The following FREM1 variants were observed in gnomAD, a reference collection of about 807,000 sequenced individuals.
FREM1 encodes the protein FRAS1 related extracellular matrix 1, also known as FRAS1-related extracellular matrix protein 1.
FREM1 carries 220 observed loss-of-function variants against 210.1 expected under a neutral mutation model. The ratio of observed to expected loss-of-function variants is 1.05; its 90% CI spans 0.94 to 1.17. FREM1 has a LOEUF of 1.17. Among genes scored for constraint, FREM1 ranks in the 50% most tolerant of loss-of-function variants. FREM1 has a pLI of 0.00. For synonymous variants in FREM1, 1,189 were observed against 980.2 expected (o/e 1.21, Z -3.98); for missense variants, 3,454 against 2,675.5 (o/e 1.29, Z -6.42).
At position 14,858,774 on chromosome 9, in the gene FREM1, A is replaced by G. The variant is rs573446686; in HGVS notation, c.631+409T>C. On this transcript the variant is annotated intron_variant, in intron 4 of 36. Transcript: ENST00000380880. ...TAGCTTTACTTCAAATTTGCTCATA[A>G]TCCAATAATACTCCATAAATGCACC... 2.6e-5 allele frequency among the ~76,000 whole-genome samples: 4 copies of G among 152,114 alleles called. No individual in the cohort carries two copies. In the East Asian group the frequency reaches 7.7e-4, roughly 29 times the overall value.
chr9:14,828,649 A>AGG (rs930882943), intron 10 of FREM1, among the ~76,000 whole-genome samples: 1 of 94,446 alleles, frequency 1.1e-5, no homozygotes, highest in African/African-American at 4.4e-5. Flanking sequence ...GGGGCGGGGG[A>AGG]GGTGCCGGGG....
At chr9:14,859,805 T>A (rs1829472733) in intron 3 of FREM1, among the ~76,000 whole-genome samples, 1 of 152,100 alleles carries the variant, frequency 6.6e-6, no homozygotes, top group African/African-American at 2.4e-5. Context: ...AATTTAAGAG[T>A]CTCAAGCCTA....
intron 2 of FREM1, among the ~76,000 whole-genome samples, chr9:14,866,263 A>G (rs1176230023): frequency 6.6e-6 from 1 of 152,164 alleles, no homozygotes; most frequent in African/African-American, 2.4e-5. Context: ...GCCTATTCCA[A>G]TCCTTGATTC....
intron 25 of FREM1, among the ~76,000 whole-genome samples, chr9:14,771,918 A>G (rs879149492): frequency 2.6e-5 from 4 of 152,052 alleles, no homozygotes; most frequent in Non-Finnish European, 4.4e-5. Context: ...TTATAATACT[A>G]TTTTTGTTAA....
rs539009966 is a variant in FREM1 at position 14,806,568 on chromosome 9, A to G, written c.3274+93T>C. 158 of 797,838 alleles carry G rather than the reference A, an allele frequency of 2.0e-4. 1 individual carries two copies. In the Middle Eastern group the frequency reaches 3.3e-3, roughly 17 times the overall value. 49.4% of individuals were successfully genotyped at this position (797,838 alleles called of 1,614,324 possible). A position where few individuals can be genotyped will look rare whatever the true frequency, so the allele number is the denominator to read the frequency against. On this transcript the variant is annotated intron_variant, in intron 18 of 36. Coordinates refer to ENST00000380880, the MANE Select transcript of FREM1 (RefSeq NM_001379081.2). ...CACGCCCGGTGCTTTAAACATTTTG[A>G]AAGTCCTTACAAAGTTATTAAGCAT...
chr9:14,738,758 C>G (rs1438831506), intron 36 of FREM1, among the ~76,000 whole-genome samples: 1 of 151,996 alleles, frequency 6.6e-6, no homozygotes, highest in Non-Finnish European at 1.5e-5. Flanking sequence ...GCCTGCAATT[C>G]CAGCATTTTG....
At chr9:14,889,141 A>C (rs1042291680) in intron 1 of FREM1, among the ~76,000 whole-genome samples, 3 of 152,180 alleles carry the variant, frequency 2.0e-5, no homozygotes, top group Non-Finnish European at 4.4e-5. Context: ...AAAAATCCTT[A>C]AGTATAAATC....
chr9:14,848,377 A>C (rs1053681209), intron 7 of FREM1, among the ~76,000 whole-genome samples: 1 of 152,192 alleles, frequency 6.6e-6, no homozygotes, highest in Non-Finnish European at 1.5e-5. Flanking sequence ...CAATATCACA[A>C]ATAGTCAGTT....
chr9:14,745,898 A>G (rs912801900), intron 35 of FREM1, among the ~76,000 whole-genome samples: 11 of 152,178 alleles, frequency 7.2e-5, no homozygotes, highest in African/African-American at 2.4e-4. Flanking sequence ...GTATAATCGC[A>G]TTGCTAGAGG....
At chr9:14,878,705 T>C (rs543846087) in intron 1 of FREM1, among the ~76,000 whole-genome samples, 1 of 152,308 alleles carries the variant, frequency 6.6e-6, no homozygotes, top group South Asian at 2.1e-4. Flanking sequence ...TTCTATATTT[T>C]TTACTCATGG....
In FREM1 at chr9:14,750,223, C is replaced by A. The variant is rs1242793282; in HGVS notation, c.5461G>T (p.Asp1821Tyr). 3.1e-6 allele frequency: 5 copies of A among 1,613,296 alleles called. No individual in the cohort carries two copies. Among genetic ancestry groups the A allele is most frequent in the Non-Finnish European group, 4.2e-6 (5 of 1,179,274 alleles). ...IAITYDGLEE[D>Y]DEVFEVILNS... ...AGAATTACTTCAAAGACCTCATCAT[C>A]TTCCTCTAATCCGTCATAGGTAATT... The change falls in exon 30 of 37, where the codon GAT becomes TAT. Residue 1821 changes from aspartate to tyrosine, a missense_variant. Asp to Tyr is a radical substitution (Grantham distance 160). Transcript: ENST00000380880.
chr9:14,738,592 G>A (rs1840837609), intron 36 of FREM1, among the ~76,000 whole-genome samples: 3 of 66,716 alleles, frequency 4.5e-5, no homozygotes. Context: ...GAGCACTGCA[G>A]AAATAGTGAA....
At chr9:14,783,158 T>C (rs1849893108) in intron 24 of FREM1, among the ~76,000 whole-genome samples, 1 of 152,368 alleles carries the variant, frequency 6.6e-6, no homozygotes. Context: ...TTTTGTTTTG[T>C]TTTGTTGGAT....
intron 27 of FREM1, among the ~76,000 whole-genome samples, chr9:14,768,568 T>C (rs1365964401): frequency 6.6e-6 from 1 of 152,142 alleles, no homozygotes; most frequent in Non-Finnish European, 1.5e-5. Flanking sequence ...TGGCATATAG[T>C]AGCCACTCGA....
At chr9:14,872,815 T>C (rs1472908965) in intron 1 of FREM1, among the ~76,000 whole-genome samples, 3 of 152,046 alleles carry the variant, frequency 2.0e-5, no homozygotes, top group Non-Finnish European at 4.4e-5. Context: ...TTGTCATAGA[T>C]AGCTTTTATT....
chr9:14,853,175 G>A (rs1008395415), intron 5 of FREM1, among the ~76,000 whole-genome samples: 1 of 152,180 alleles, frequency 6.6e-6, no homozygotes, highest in African/African-American at 2.4e-5. Context: ...GCTGATGCAG[G>A]GCTCATATCT....
chr9:14,887,750 T>C (rs1027102314), intron 1 of FREM1, among the ~76,000 whole-genome samples: 1 of 152,212 alleles, frequency 6.6e-6, no homozygotes, highest in Non-Finnish European at 1.5e-5. Context: ...ACATTCTTCC[T>C]ATGCATCTTT....
chr9:14,900,156 C>A (rs1350301120), intron 1 of FREM1, among the ~76,000 whole-genome samples: 1 of 152,154 alleles, frequency 6.6e-6, no homozygotes, highest in African/African-American at 2.4e-5. Flanking sequence ...ACGGGAAACA[C>A]ACCAAGATGA....
chr9:14,760,046 G>A (rs927828569), intron 27 of FREM1, 145 bp from the exon 28 acceptor site: 2 of 522,946 alleles, frequency 3.8e-6, no homozygotes, highest in African/African-American at 3.8e-5. Context: ...ACACATTTTA[G>A]TTCACAAAGA....
Sources: allele counts gnomAD v4.1 joint callset (sites outside exome capture counted in the v4.1 genomes callset), GRCh38; gene constraint gnomAD v4.1.1; transcripts MANE v1.5; gene names NCBI Gene and HGNC (gene_info 2026-07-23, HGNC 2026-07-21).